The following PARD3B variants were observed in gnomAD, a reference collection of about 807,000 sequenced individuals.
PARD3B encodes the protein par-3 family cell polarity regulator beta.
In PARD3B, 103 loss-of-function variants were observed where a neutral mutation model predicts 130.2. The ratio of observed to expected loss-of-function variants is 0.79; its 90% CI spans 0.67 to 0.93. The LOEUF is 0.93. PARD3B is among the 40% of genes least tolerant of loss of function. The pLI is 0.00. For synonymous variants in PARD3B, 583 were observed against 553.2 expected, an observed-to-expected ratio of 1.05 and a Z score of -0.76; for missense variants, 1,609 against 1,499.2, an observed-to-expected ratio of 1.07 and a Z score of -1.21.
chr2:205,112,294 C>T (rs556100151), intron 5 of PARD3B, among the ~76,000 whole-genome samples: 1 of 152,056 alleles, frequency 6.6e-6, no homozygotes, highest in East Asian at 1.9e-4. Flanking sequence ...AATAGGCTTG[C>T]AAAGAAAACA....
intron 2 of PARD3B, among the ~76,000 whole-genome samples, chr2:204,829,023 T>C (rs1312619555): frequency 6.6e-6 from 1 of 152,246 alleles, no homozygotes; most frequent in African/African-American, 2.4e-5. Flanking sequence ...CCAAGTCTTA[T>C]GGATAGTGCT....
rs199807244 is a variant in PARD3B, at chr2:204,726,591, C to T, written c.222+40309C>T. Among the ~76,000 whole-genome samples, 36 of 152,232 alleles carry T rather than the reference C, an allele frequency of 2.4e-4. No individual in the cohort carries two copies. In the East Asian group the frequency reaches 6.4e-3, roughly 27 times the overall value. ...TCTTAGTCCATGATCTTCCTAGCTG[C>T]CTTACAGAACAAAAACAATGACCTT... On this transcript the variant is annotated intron_variant, in intron 2 of 22. Transcript: ENST00000406610.
chr2:205,159,476 G>A (rs561819413), intron 11 of PARD3B, among the ~76,000 whole-genome samples: 3 of 152,280 alleles, frequency 2.0e-5, no homozygotes, highest in African/African-American at 4.8e-5. Context: ...TCACGTTGAG[G>A]TGAGTATAGT....
intron 2 of PARD3B, among the ~76,000 whole-genome samples, chr2:204,821,600 A>G (rs2043356990): frequency 1.3e-5 from 2 of 151,516 alleles, no homozygotes; most frequent in African/African-American, 4.9e-5. Flanking sequence ...GCTAAATGAC[A>G]AGTTAATGGG....
intron 2 of PARD3B, among the ~76,000 whole-genome samples, chr2:204,927,326 A>G (rs1687697292): frequency 6.6e-6 from 1 of 152,060 alleles, no homozygotes; most frequent in Non-Finnish European, 1.5e-5. Flanking sequence ...GTGCCCTTAT[A>G]AAAGGCACCC....
chr2:205,084,344 A>G (rs1324047301), intron 4 of PARD3B, among the ~76,000 whole-genome samples: 1 of 152,088 alleles, frequency 6.6e-6, no homozygotes, highest in African/African-American at 2.4e-5. Flanking sequence ...AGTTAGATCT[A>G]GAGGCTTGAT....
chr2:204,588,118 A>G (rs1050214863), intron 1 of PARD3B, among the ~76,000 whole-genome samples: 1 of 152,202 alleles, frequency 6.6e-6, no homozygotes, highest in African/African-American at 2.4e-5. Flanking sequence ...TGAATACACC[A>G]TAACAAGTCA....
chr2:205,213,711 C>T (rs559100938), intron 15 of PARD3B, among the ~76,000 whole-genome samples: 2 of 152,228 alleles, frequency 1.3e-5, no homozygotes, highest in African/African-American at 4.8e-5. Context: ...ACCATACGCT[C>T]ATATTCACTT....
At chr2:205,505,420 C>T (rs375091441) in intron 21 of PARD3B, among the ~76,000 whole-genome samples, 1 of 141,734 alleles carries the variant, frequency 7.1e-6, no homozygotes, top group East Asian at 2.1e-4. Flanking sequence ...TAAATGAATA[C>T]ACACACACTG....
chr2:205,318,112 T>TA (rs1258072909), intron 18 of PARD3B, among the ~76,000 whole-genome samples: 1 of 152,220 alleles, frequency 6.6e-6, no homozygotes, highest in Non-Finnish European at 1.5e-5. Flanking sequence ...ACCCTAATTC[T>TA]AGGGCTTTTG....
At chr2:204,963,681 G>C (rs1690945618) in intron 2 of PARD3B, among the ~76,000 whole-genome samples, 1 of 152,120 alleles carries the variant, frequency 6.6e-6, no homozygotes, top group South Asian at 2.1e-4. Flanking sequence ...TGATGAGAAA[G>C]ATATCGTTCT....
intron 3 of PARD3B, among the ~76,000 whole-genome samples, chr2:204,978,824 C>T (rs1426329439): frequency 3.3e-5 from 5 of 151,788 alleles, no homozygotes; most frequent in Admixed American, 3.3e-4. Flanking sequence ...ATTAGCCAGG[C>T]ATGGTGGTGG....
At chr2:205,080,672 C>G (rs1000277970) in intron 4 of PARD3B, among the ~76,000 whole-genome samples, 4 of 152,078 alleles carry the variant, frequency 2.6e-5, no homozygotes, top group African/African-American at 9.7e-5. Flanking sequence ...GTTGCTAAGT[C>G]TGTACACTGT....
chr2:204,764,887 A>T (rs1423021763), intron 2 of PARD3B, among the ~76,000 whole-genome samples: 1 of 151,904 alleles, frequency 6.6e-6, no homozygotes, highest in Non-Finnish European at 1.5e-5. Flanking sequence ...TCTTAGATTC[A>T]TTTGAGTTTT....
chr2:204,969,497 C>G (rs1691520379), intron 3 of PARD3B, among the ~76,000 whole-genome samples: 1 of 152,182 alleles, frequency 6.6e-6, no homozygotes, highest in Non-Finnish European at 1.5e-5. Flanking sequence ...TTGTGAAATG[C>G]TGACCTAGAA....
chr2:205,098,309 C>T (rs1702526626), intron 4 of PARD3B, among the ~76,000 whole-genome samples: 1 of 152,068 alleles, frequency 6.6e-6, no homozygotes, highest in African/African-American at 2.4e-5. Flanking sequence ...CATAATTCAG[C>T]TGCAGTTAAA....
chr2:205,339,806 G>C (rs975367813), intron 18 of PARD3B, among the ~76,000 whole-genome samples: 2 of 152,048 alleles, frequency 1.3e-5, no homozygotes, highest in Non-Finnish European at 1.5e-5. Flanking sequence ...TTTATATAGA[G>C]AATAACTGAA....
At chr2:204,862,894 G>A (rs1291139337) in intron 2 of PARD3B, among the ~76,000 whole-genome samples, 1 of 152,146 alleles carries the variant, frequency 6.6e-6, no homozygotes, top group East Asian at 1.9e-4. Flanking sequence ...CCTGCTAGCA[G>A]GTTTCTCACC....
At chr2:204,816,758 GC>G in intron 2 of PARD3B, among the ~76,000 whole-genome samples, 1 of 151,598 alleles carries the variant, frequency 6.6e-6, no homozygotes, top group Non-Finnish European at 1.5e-5. Context: ...AGTACATTGA[GC>G]TTCCTGGATC....
Sources: allele counts gnomAD v4.1 joint callset (sites outside exome capture counted in the v4.1 genomes callset), GRCh38; gene constraint gnomAD v4.1.1; transcripts MANE v1.5; gene names NCBI Gene and HGNC (gene_info 2026-07-23, HGNC 2026-07-21).